SMURF1: variants seen among roughly 807,000 people sequenced by gnomAD.
SMURF1 encodes E3 ubiquitin-protein ligase SMURF1.
Under a neutral mutation model 98.0 loss-of-function variants are expected in SMURF1, and 44 were observed. The ratio of observed to expected loss-of-function variants is 0.45; its 90% CI spans 0.35 to 0.58. SMURF1 has a LOEUF of 0.58. Among genes scored for constraint, SMURF1 ranks in the 20% least tolerant of loss-of-function variants. The pLI is 0.00. For missense variants in SMURF1, 687 were observed against 938.4 expected, an observed-to-expected ratio of 0.73 and a Z score of 3.50; for synonymous variants, 396 against 374.9, an observed-to-expected ratio of 1.06 and a Z score of -0.65.
rs766750644 is a variant in SMURF1, at chr7:99,055,422, C to T, written c.404-557G>A. Among the ~76,000 whole-genome samples, 5 of 151,670 alleles carry T rather than the reference C, an allele frequency of 3.3e-5. 1 individual carries two copies. Among genetic ancestry groups the T allele is most frequent in the South Asian group, 4.2e-4 (2 of 4,780 alleles). ...GGCGGAGGTTACAGTGAGCTAAGATCGCGCCACTGAACTGCAGCAGGGGTG... is the reference window on the plus strand; with the variant it reads ...GGCGGAGGTTACAGTGAGCTAAGATTGCGCCACTGAACTGCAGCAGGGGTG... On this transcript the variant is annotated intron_variant, in intron 5 of 17. Transcript: ENST00000361368.
At chr7:99,124,639 C>G (rs953635439) in intron 1 of SMURF1, among the ~76,000 whole-genome samples, 2 of 151,370 alleles carry the variant, frequency 1.3e-5, no homozygotes, top group Non-Finnish European at 2.9e-5. Context: ...GAAGTAGGTC[C>G]AGTGTCAAAA....
intron 1 of SMURF1, among the ~76,000 whole-genome samples, chr7:99,062,861 T>A (rs1796064865): frequency 6.6e-6 from 1 of 151,884 alleles, no homozygotes; most frequent in Admixed American, 6.6e-5. Flanking sequence ...AAAAAAGAAC[T>A]AAGCACAGTG....
intron 1 of SMURF1, among the ~76,000 whole-genome samples, chr7:99,084,524 G>T: frequency 6.6e-6 from 1 of 152,136 alleles, no homozygotes; most frequent in Non-Finnish European, 1.5e-5. Context: ...TCTTGGGGAA[G>T]AATCAGGGAA....
intron 1 of SMURF1, among the ~76,000 whole-genome samples, chr7:99,133,007 A>G (rs1446680477): frequency 6.6e-6 from 1 of 152,066 alleles, no homozygotes; most frequent in African/African-American, 2.4e-5. Context: ...AGAAAGGGAT[A>G]GCTCCAAGGA....
chr7:99,097,850 G>C (rs937380761), intron 1 of SMURF1, among the ~76,000 whole-genome samples: 1 of 152,288 alleles, frequency 6.6e-6, no homozygotes, highest in African/African-American at 2.4e-5. Context: ...CACAGAAAAA[G>C]GAAAGATTAC....
At chr7:99,061,463 G>A (rs1261649154) in intron 2 of SMURF1, among the ~76,000 whole-genome samples, 3 of 152,118 alleles carry the variant, frequency 2.0e-5, no homozygotes, top group Non-Finnish European at 4.4e-5. Flanking sequence ...AAATCCAGCT[G>A]TTTTATACAA....
intron 5 of SMURF1, among the ~76,000 whole-genome samples, 157 bp downstream of exon 5, chr7:99,057,048 A>G (rs1795894192): frequency 6.6e-6 from 1 of 151,906 alleles, no homozygotes; most frequent in Admixed American, 6.6e-5. Context: ...AAACTACACA[A>G]GACAAAACTT....
rs181917841 is a variant in SMURF1 at position 99,063,654 on chromosome 7, T to C, written c.56-1817A>G. Reference sequence around the variant, plus strand: ...GTGTGCAATACAGTGGTTTTTAGTATACTCATGGGTGGGACAACTATCATT... The same window carrying C: ...GTGTGCAATACAGTGGTTTTTAGTACACTCATGGGTGGGACAACTATCATT... On this transcript the variant is annotated intron_variant, in intron 1 of 17. Transcript: ENST00000361368. Among the ~76,000 whole-genome samples the C allele has an allele frequency of 5.3e-5, 8 of 152,142 alleles. No homozygotes were observed. In the East Asian group the frequency reaches 1.5e-3, roughly 29 times the overall value.
At chr7:99,085,368 A>G (rs1316494662) in intron 1 of SMURF1, among the ~76,000 whole-genome samples, 1 of 150,034 alleles carries the variant, frequency 6.7e-6, no homozygotes, top group Non-Finnish European at 1.5e-5. Flanking sequence ...AAAAAAAAAA[A>G]AAAGAAAAGA....
intron 1 of SMURF1, among the ~76,000 whole-genome samples, chr7:99,126,170 T>C (rs904092829): frequency 2.0e-5 from 3 of 152,214 alleles, no homozygotes; most frequent in African/African-American, 7.2e-5. Context: ...TTGACTGTAG[T>C]ATTCAATGAG....
intron 1 of SMURF1, among the ~76,000 whole-genome samples, chr7:99,068,911 C>T (rs1796258838): frequency 6.6e-6 from 1 of 152,114 alleles, no homozygotes; most frequent in African/African-American, 2.4e-5. Flanking sequence ...GGCATTTTGT[C>T]AGTGAAGCCT....
At chr7:99,080,490 G>A (rs1303287308) in intron 1 of SMURF1, among the ~76,000 whole-genome samples, 1 of 152,056 alleles carries the variant, frequency 6.6e-6, no homozygotes, top group East Asian at 1.9e-4. Flanking sequence ...GTAGAGATGG[G>A]GTTTCTCCAT....
rs749892070 is a variant in SMURF1 at position 99,054,820 on chromosome 7, A to T, written c.449T>A (p.Val150Glu). ...RDRIGTGGSVVDCRGLLENEG... is the reference protein window; with the variant it reads ...RDRIGTGGSVEDCRGLLENEG... ...ATTTTCTAACAGTCCTCTGCAGTCC[A>T]CCACCGAGCCGCCGGTTCCTATTCT... The change falls in exon 6 of 18, where the codon GTG (valine) becomes GAG (glutamate). Residue 150 changes from valine to glutamate, a missense_variant. Val to Glu is a moderately radical substitution (Grantham distance 121). Coordinates refer to ENST00000361368, the MANE Select transcript of SMURF1 (RefSeq NM_181349.3). 1 of 1,613,896 alleles carries T rather than the reference A, an allele frequency of 6.2e-7. No homozygotes were observed. Among genetic ancestry groups the T allele is most frequent in the African/African-American group, 1.3e-5 (1 of 74,910 alleles).
chr7:99,038,571 C>T (rs760636861), intron 13 of SMURF1, 46 bp from the exon 14 acceptor site: 8 of 1,594,354 alleles, frequency 5.0e-6, no homozygotes, highest in Non-Finnish European at 6.0e-6. Context: ...TCTGCCACCA[C>T]GCGGGGCCAT....
chr7:99,090,137 C>T (rs544288067), intron 1 of SMURF1, among the ~76,000 whole-genome samples: 24 of 152,322 alleles, frequency 1.6e-4, no homozygotes, highest in East Asian at 5.8e-4. Flanking sequence ...ATGCTTCCCA[C>T]GCGCACTACT....
At chr7:99,046,877 G>C (rs113340938) in intron 10 of SMURF1, among the ~76,000 whole-genome samples, 17 of 152,234 alleles carry the variant, frequency 1.1e-4, no homozygotes, top group African/African-American at 3.9e-4. Flanking sequence ...AGGGCTGGGC[G>C]CTGTGGCCAA....
intron 1 of SMURF1, among the ~76,000 whole-genome samples, chr7:99,127,427 C>G (rs1214040554): frequency 6.6e-6 from 1 of 152,032 alleles, no homozygotes; most frequent in Non-Finnish European, 1.5e-5. Context: ...CCTGGTGGCT[C>G]ACGGCTGTAA....
Position 99,143,814 on chromosome 7 carries a change from C to A in SMURF1, c.-34G>T, listed in dbSNP as rs755722879. 1 of 1,528,160 alleles carries A rather than the reference C, an allele frequency of 6.5e-7. No homozygotes were observed. The highest frequency in any genetic ancestry group is 8.8e-7 in the Non-Finnish European group (1 of 1,139,888). 94.7% of individuals were successfully genotyped at this position (1,528,160 alleles called of 1,614,324 possible). On this transcript the variant is annotated 5_prime_UTR_variant, in exon 1 of 18. Transcript: ENST00000361368. ...AACGATCGGGCAGCCGCGGATCCAG[C>A]GCCACCGCCCCCCAGCCCGGCCCGG...
At chr7:99,133,985 G>A (rs1797930336) in intron 1 of SMURF1, among the ~76,000 whole-genome samples, 1 of 152,108 alleles carries the variant, frequency 6.6e-6, no homozygotes, top group South Asian at 2.1e-4. Context: ...GGGGGGTGCG[G>A]CTGAGGGAGG....
Sources: gnomAD v4.1 joint callset for allele counts (sites outside exome capture counted in the v4.1 genomes callset) on GRCh38, gnomAD v4.1.1 for gene constraint, MANE v1.5 for transcripts, NCBI Gene and HGNC (gene_info 2026-07-23, HGNC 2026-07-21) for gene names.